The following MCTP1 variants were observed in gnomAD, a reference collection of about 807,000 sequenced individuals.
The protein encoded by MCTP1 is multiple C2 and transmembrane domain containing 1.
MCTP1 carries 69 observed loss-of-function variants against 120.6 expected under a neutral mutation model. The ratio of observed to expected loss-of-function variants is 0.57; its 90% CI spans 0.47 to 0.70. The LOEUF (loss-of-function observed/expected upper bound fraction) is 0.70, where lower values mean the gene tolerates loss of function less well. Among genes scored for constraint, MCTP1 ranks in the 30% least tolerant of loss-of-function variants. The pLI, the probability that MCTP1 is intolerant of heterozygous loss-of-function variation, is 0.00. For missense variants in MCTP1, 1,203 were observed against 1,248.8 expected (o/e 0.96, Z 0.55); for synonymous variants, 529 against 493.1 (o/e 1.07, Z -0.96).
chr5:94,752,112 T>C (rs1464628437), intron 19 of MCTP1, among the ~76,000 whole-genome samples: 1 of 30,932 alleles, frequency 3.2e-5, no homozygotes, highest in Non-Finnish European at 5.0e-5. Flanking sequence ...TAATAAAATA[T>C]ATATATATAT....
chr5:94,761,232 C>G (rs1401387766), intron 19 of MCTP1, among the ~76,000 whole-genome samples: 1 of 152,196 alleles, frequency 6.6e-6, no homozygotes, highest in African/African-American at 2.4e-5. Flanking sequence ...GCATTTGGAT[C>G]TCTTTTATCA....
At chr5:94,738,527 C>T (rs1346519291) in intron 19 of MCTP1, among the ~76,000 whole-genome samples, 1 of 152,154 alleles carries the variant, frequency 6.6e-6, no homozygotes, top group Non-Finnish European at 1.5e-5. Context: ...CTACCTGAAG[C>T]AGCACCCTCT....
chr5:94,876,892 G>A (rs905046344), intron 12 of MCTP1, among the ~76,000 whole-genome samples: 4 of 151,982 alleles, frequency 2.6e-5, no homozygotes, highest in Non-Finnish European at 2.9e-5. Flanking sequence ...TACTTATCGA[G>A]TGGCTGCTCT....
chr5:94,745,673 G>A (rs1766722111), intron 19 of MCTP1, among the ~76,000 whole-genome samples: 2 of 152,192 alleles, frequency 1.3e-5, no homozygotes, highest in African/African-American at 4.8e-5. Context: ...ACACATAGGT[G>A]CTTAATAGAA....
At chr5:94,945,185 A>T (rs1818632237) in intron 3 of MCTP1, among the ~76,000 whole-genome samples, 2 of 152,244 alleles carry the variant, frequency 1.3e-5, no homozygotes, top group Non-Finnish European at 1.5e-5. Flanking sequence ...TTTAGATGAG[A>T]TCCTTGCTTT....
intron 3 of MCTP1, among the ~76,000 whole-genome samples, chr5:94,945,309 TAA>T (rs1238611932): frequency 6.6e-6 from 1 of 152,186 alleles, no homozygotes; most frequent in Non-Finnish European, 1.5e-5. Flanking sequence ...ATATTTAATT[TAA>T]AACAACAAAT....
intron 1 of MCTP1, among the ~76,000 whole-genome samples, chr5:95,062,573 C>G (rs1015606207): frequency 6.6e-6 from 1 of 152,104 alleles, no homozygotes; most frequent in East Asian, 1.9e-4. Flanking sequence ...GAACGCATTC[C>G]AGAGTCCCCT....
intron 19 of MCTP1, among the ~76,000 whole-genome samples, chr5:94,725,691 T>G (rs1761976021): frequency 6.6e-6 from 1 of 152,230 alleles, no homozygotes; most frequent in Non-Finnish European, 1.5e-5. Context: ...TAACTGGCTC[T>G]CTTGCTAAGT....
intron 1 of MCTP1, among the ~76,000 whole-genome samples, chr5:95,144,390 G>A (rs1023414692): frequency 6.6e-6 from 1 of 152,116 alleles, no homozygotes; most frequent in Non-Finnish European, 1.5e-5. Flanking sequence ...CTTTGGGTGT[G>A]CAAATGCTGT....
At chr5:95,035,423 C>T (rs900914183) in intron 1 of MCTP1, among the ~76,000 whole-genome samples, 5 of 151,926 alleles carry the variant, frequency 3.3e-5, no homozygotes, top group Non-Finnish European at 5.9e-5. Flanking sequence ...TGCAGCAACA[C>T]GGATGCAGCT....
intron 22 of MCTP1, 87 bp from the exon 23 acceptor site, chr5:94,707,654 TG>T: frequency 1.1e-6 from 1 of 951,318 alleles, no homozygotes; most frequent in Non-Finnish European, 1.7e-6. Context: ...AGACGGTGCT[TG>T]GGGGAAGAAA....
At chr5:94,738,627 T>C (rs1024333826) in intron 19 of MCTP1, among the ~76,000 whole-genome samples, 2 of 152,168 alleles carry the variant, frequency 1.3e-5, no homozygotes, top group Non-Finnish European at 2.9e-5. Context: ...CTACTACAGT[T>C]GATTCATCTC....
intron 1 of MCTP1, among the ~76,000 whole-genome samples, chr5:95,150,862 A>G (rs139322322): frequency 2.0e-4 from 31 of 152,310 alleles, no homozygotes; most frequent in Middle Eastern, 3.4e-3. Context: ...AAACTTAATT[A>G]CTAGTAACCT....
intron 1 of MCTP1, among the ~76,000 whole-genome samples, chr5:95,034,630 A>G (rs1447202783): frequency 6.6e-6 from 1 of 152,066 alleles, no homozygotes; most frequent in Non-Finnish European, 1.5e-5. Flanking sequence ...CCTAGAAGAA[A>G]CCCTAGGAAA....
intron 17 of MCTP1, among the ~76,000 whole-genome samples, chr5:94,803,745 C>T (rs1056890481): frequency 2.0e-5 from 3 of 152,128 alleles, no homozygotes; most frequent in African/African-American, 7.2e-5. Context: ...GCCATGCCAA[C>T]TAAATAGAAA....
intron 19 of MCTP1, among the ~76,000 whole-genome samples, chr5:94,752,984 A>C (rs538607684): frequency 2.7e-4 from 41 of 152,370 alleles, no homozygotes; most frequent in African/African-American, 9.6e-4. Flanking sequence ...AAGTTTAGCA[A>C]GAGCTGCAAA....
chr5:95,231,479 T>C (rs1442518767), intron 1 of MCTP1, among the ~76,000 whole-genome samples: 2 of 152,180 alleles, frequency 1.3e-5, no homozygotes, highest in African/African-American at 4.8e-5. Flanking sequence ...CTATAGTTTT[T>C]AAGACAATGA....
At chr5:94,878,646 T>TA (rs1329075250) in intron 12 of MCTP1, among the ~76,000 whole-genome samples, 3 of 152,062 alleles carry the variant, frequency 2.0e-5, no homozygotes, top group Non-Finnish European at 2.9e-5. Flanking sequence ...TTGTTTACAA[T>TA]AAAATCATAC....
intron 1 of MCTP1, among the ~76,000 whole-genome samples, chr5:95,038,886 A>G (rs1562059084): frequency 6.6e-6 from 1 of 152,208 alleles, no homozygotes; most frequent in Non-Finnish European, 1.5e-5. Context: ...TTACTGCCTC[A>G]AGCAAATAAC....
Sources: allele counts gnomAD v4.1 joint callset (sites outside exome capture counted in the v4.1 genomes callset), GRCh38; gene constraint gnomAD v4.1.1; transcripts MANE v1.5; gene names NCBI Gene and HGNC (gene_info 2026-07-23, HGNC 2026-07-21).